MYH9: variants seen among roughly 807,000 people sequenced by gnomAD.
The protein encoded by MYH9 is myosin heavy chain 9.
In MYH9, 29 loss-of-function variants were observed where a neutral mutation model predicts 241.9. The observed-to-expected ratio is 0.12, with a 90% CI of 0.09 to 0.16. The LOEUF (loss-of-function observed/expected upper bound fraction) is 0.16. Ranked by LOEUF, MYH9 falls within the 10% of genes least tolerant of loss-of-function variation. The pLI is 1.00. For missense variants in MYH9, 1,803 were observed against 2,595.5 expected, an observed-to-expected ratio of 0.69 and a Z score of 6.63; for synonymous variants, 1,047 against 1,062.6, an observed-to-expected ratio of 0.99 and a Z score of 0.29.
rs1364784964 is a variant in MYH9 at position 36,301,674 on chromosome 22, G to A, written c.2500-9C>T. ...TGCAGCAGCGGCTTGACCTGGGAGA[G>A]GAGATAGAGGTAGAGACATGCTCGG... On this transcript the variant is annotated splice_polypyrimidine_tract_variant and intron_variant, in intron 20 of 40. Coordinates refer to ENST00000216181, the MANE Select transcript of MYH9 (RefSeq NM_002473.6). The A allele has an allele frequency of 4.3e-6, 7 of 1,612,700 alleles. No individual in the cohort carries two copies. Among genetic ancestry groups the A allele is most frequent in the Non-Finnish European group, 5.9e-6 (7 of 1,180,028 alleles).
chr22:36,307,354 AG>A (rs1484643233), intron 15 of MYH9, among the ~76,000 whole-genome samples: 2 of 152,342 alleles, frequency 1.3e-5, no homozygotes, highest in East Asian at 3.9e-4. Context: ...GCATCCTCCA[AG>A]GTAAAAAACA....
intron 1 of MYH9, among the ~76,000 whole-genome samples, chr22:36,365,790 TG>T (rs1279185115): frequency 6.6e-6 from 1 of 152,218 alleles, no homozygotes; most frequent in Admixed American, 6.5e-5. Context: ...AAAAACTTTT[TG>T]TCATAAATAC....
intron 5 of MYH9, chr22:36,324,991 AC>A (rs1328035363): frequency 8.5e-6 from 6 of 710,054 alleles, no homozygotes; most frequent in Non-Finnish European, 1.6e-5. Context: ...CTCCAATGTC[AC>A]CCTCCCAAGA....
intron 1 of MYH9, among the ~76,000 whole-genome samples, chr22:36,360,702 G>T (rs1327048656): frequency 2.0e-5 from 3 of 146,956 alleles, no homozygotes; most frequent in African/African-American, 7.5e-5. Context: ...AACAGTGTGA[G>T]ACTCCATCTC....
intron 3 of MYH9, among the ~76,000 whole-genome samples, chr22:36,332,133 C>T (rs2017429952): frequency 6.6e-6 from 1 of 152,136 alleles, no homozygotes; most frequent in Admixed American, 6.5e-5. Context: ...ATCGAACACC[C>T]CTATGAGCAC....
At chr22:36,316,789 TGGGGG>T in intron 11 of MYH9, 120 bp from the exon 12 acceptor site, 1 of 1,162,216 alleles carries the variant, frequency 8.6e-7, no homozygotes, top group Non-Finnish European at 1.2e-6. Flanking sequence ...CCTAAGTATG[TGGGGG>T]AAAAAAAAAA....
chr22:36,368,934 C>T (rs981533149), intron 1 of MYH9, among the ~76,000 whole-genome samples: 1 of 151,948 alleles, frequency 6.6e-6, no homozygotes, highest in Non-Finnish European at 1.5e-5. Context: ...TGGGGGGGCT[C>T]TAATTTCAAC....
intron 1 of MYH9, among the ~76,000 whole-genome samples, chr22:36,355,021 T>C (rs1304577512): frequency 1.6e-5 from 2 of 121,964 alleles, no homozygotes; most frequent in African/African-American, 3.1e-5. Context: ...TCTCCGTGGC[T>C]CAGAAAGTCC....
intron 5 of MYH9, among the ~76,000 whole-genome samples, chr22:36,324,015 C>G (rs941459667): frequency 3.3e-5 from 5 of 152,240 alleles, no homozygotes; most frequent in Admixed American, 3.3e-4. Context: ...CTCCCCCACC[C>G]ACTACGCCGT....
At chr22:36,294,770 A>G (rs186761933) in intron 27 of MYH9, among the ~76,000 whole-genome samples, 162 bp downstream of exon 27, 14 of 152,348 alleles carry the variant, frequency 9.2e-5, no homozygotes, top group Non-Finnish European at 2.1e-4. Flanking sequence ...ATGAACAGGG[A>G]AACTGAGGCA....
At chr22:36,322,305 A>G in intron 6 of MYH9, 124 bp downstream of exon 6, 1 of 1,071,030 alleles carries the variant, frequency 9.3e-7, no homozygotes, top group South Asian at 1.3e-5. Context: ...ACGACAGGCC[A>G]GATAGCACCG....
At chr22:36,387,656 G>A (rs1412754208) in intron 1 of MYH9, among the ~76,000 whole-genome samples, 151 bp downstream of exon 1, 3 of 151,368 alleles carry the variant, frequency 2.0e-5, no homozygotes, top group East Asian at 3.9e-4. Context: ...ATGCGGTGCC[G>A]GGCCCTGAGC....
At position 36,301,637 on chromosome 22, in the gene MYH9, T is replaced by G; in HGVS notation, c.2528A>C (p.Gln843Pro). Residue 843 changes from glutamine to proline, a missense_variant, in exon 21 of 41, where the codon CAG (glutamine) becomes CCG (proline). Transcript: ENST00000216181. ...CTCCTTGGCCATCATCTCCTCCTCC[T>G]GCCGGCTCACCTGCAGCAGCGGCTT... Reference protein sequence around the residue: ...KVKPLLQVSRQEEEMMAKEEE... With the variant: ...KVKPLLQVSRPEEEMMAKEEE... The G allele has an allele frequency of 6.2e-7, 1 of 1,613,876 alleles. No homozygotes were observed. Among genetic ancestry groups the G allele is most frequent in the Non-Finnish European group, 8.5e-7 (1 of 1,180,012 alleles).
At chr22:36,287,346 A>G (rs1273437157) in intron 34 of MYH9, among the ~76,000 whole-genome samples, 1 of 152,208 alleles carries the variant, frequency 6.6e-6, no homozygotes, top group Non-Finnish European at 1.5e-5. Flanking sequence ...GTGCAGCCCG[A>G]CCACACCAGT....
chr22:36,289,432 C>A (rs778084859), intron 31 of MYH9, 135 bp from the exon 32 acceptor site: 35 of 767,992 alleles, frequency 4.6e-5, no homozygotes, highest in Non-Finnish European at 6.4e-5. Flanking sequence ...AGCACAGGCC[C>A]AGGGCTGTGC....
At chr22:36,345,768 C>A (rs962310725) in intron 2 of MYH9, among the ~76,000 whole-genome samples, 8 of 152,344 alleles carry the variant, frequency 5.3e-5, no homozygotes, top group Middle Eastern at 6.8e-3. Flanking sequence ...AAGTTCCAGC[C>A]TCAGCCTGGC....
intron 12 of MYH9, among the ~76,000 whole-genome samples, chr22:36,315,818 GT>G (rs2017140778): frequency 1.4e-5 from 2 of 141,484 alleles, no homozygotes; most frequent in Admixed American, 6.8e-5. Flanking sequence ...GAGCCCTTCT[GT>G]TTAGCTTAAA....
intron 24 of MYH9, chr22:36,297,264 G>A (rs2016803381): frequency 1.8e-6 from 1 of 543,968 alleles, no homozygotes; most frequent in East Asian, 3.2e-5. Flanking sequence ...CTCTCCTAAA[G>A]CTGGTGTTTG....
chr22:36,318,039 G>A (rs1466811651), intron 11 of MYH9, among the ~76,000 whole-genome samples, 168 bp downstream of exon 11: 4 of 152,242 alleles, frequency 2.6e-5, no homozygotes, highest in African/African-American at 9.6e-5. Flanking sequence ...CAGTGCTCTA[G>A]ATGGCGTTAT....
Sources: allele counts gnomAD v4.1 joint callset (sites outside exome capture counted in the v4.1 genomes callset), GRCh38; gene constraint gnomAD v4.1.1; transcripts MANE v1.5; gene names NCBI Gene and HGNC (gene_info 2026-07-23, HGNC 2026-07-21).